FRYL: variants seen among roughly 807,000 people sequenced by gnomAD.
FRYL encodes the protein protein furry homolog-like.
In FRYL, 150 loss-of-function variants were observed where a neutral mutation model predicts 351.2. The observed-to-expected ratio is 0.43, with a 90% confidence interval of 0.37 to 0.49. FRYL has a LOEUF of 0.49. FRYL is among the 20% of genes least tolerant of loss of function. The pLI is 0.00. For missense variants in FRYL, 3,036 were observed against 3,619.3 expected (o/e 0.84, Z 4.13); for synonymous variants, 1,153 against 1,257.1 (o/e 0.92, Z 1.75).
In FRYL at chr4:48,762,285, A is replaced by G. The variant is rs371942645; in HGVS notation, c.-384+17793T>C. On this transcript the variant is annotated intron_variant, in intron 1 of 63. Coordinates refer to ENST00000358350, the MANE Select transcript of FRYL (RefSeq NM_015030.2). ...GCTTAGATATTATGAACATTTTAAC[A>G]TATCTTGACACATAGAGCCTATTGT... Among the ~76,000 whole-genome samples, 60 of 152,340 alleles carry G rather than the reference A, an allele frequency of 3.9e-4. No individual in the cohort carries two copies. The East Asian group carries it at 0.01, about 26-fold the overall frequency.
At chr4:48,571,395 T>A (rs1201033210) in intron 26 of FRYL, among the ~76,000 whole-genome samples, 1 of 152,240 alleles carries the variant, frequency 6.6e-6, no homozygotes. Context: ...TTACTCATTA[T>A]GATATGAATA....
chr4:48,648,653 T>A (rs1441967486), intron 3 of FRYL, among the ~76,000 whole-genome samples: 1 of 152,148 alleles, frequency 6.6e-6, no homozygotes, highest in Non-Finnish European at 1.5e-5. Flanking sequence ...AATTTATCAA[T>A]TGAAGAATGG....
At chr4:48,733,099 A>C (rs2149630116) in intron 1 of FRYL, among the ~76,000 whole-genome samples, 1 of 151,664 alleles carries the variant, frequency 6.6e-6, no homozygotes. Context: ...ACATGGTGAA[A>C]CCCCGTCTCT....
intron 1 of FRYL, among the ~76,000 whole-genome samples, chr4:48,751,545 A>G (rs145131602): frequency 9.2e-5 from 14 of 152,326 alleles, no homozygotes; most frequent in African/African-American, 3.4e-4. Flanking sequence ...CAAGAGATAC[A>G]AAAGAAACAG....
At chr4:48,645,164 C>G (rs1756208664) in intron 3 of FRYL, among the ~76,000 whole-genome samples, 1 of 92,412 alleles carries the variant, frequency 1.1e-5, no homozygotes, top group African/African-American at 3.4e-5. Context: ...ATCAGACTGG[C>G]AAATACTAAA....
In FRYL at chr4:48,540,348, A is replaced by T. The variant is rs767002274; in HGVS notation, c.6295+5T>A. ...AAAGTGCTGGTGCAATTATATTAAC[A>T]TCACCTGACAATTGGGAAGGATCCA... On this transcript the variant is annotated splice_donor_5th_base_variant and intron_variant, in intron 46 of 63. Coordinates refer to ENST00000358350, the MANE Select transcript of FRYL (RefSeq NM_015030.2). 5.0e-6 allele frequency: 8 copies of T among 1,609,366 alleles called. No homozygotes were observed. In the South Asian group the frequency reaches 7.7e-5, roughly 16 times the overall value.
intron 33 of FRYL, among the ~76,000 whole-genome samples, 191 bp downstream of exon 33, chr4:48,561,277 G>A (rs547866171): frequency 3.9e-5 from 6 of 152,104 alleles, no homozygotes; most frequent in South Asian, 2.1e-4. Flanking sequence ...TAAGGACGCC[G>A]TTGATAGAAA....
chr4:48,604,671 T>C (rs759598629), intron 11 of FRYL, among the ~76,000 whole-genome samples: 1 of 152,222 alleles, frequency 6.6e-6, no homozygotes, highest in Non-Finnish European at 1.5e-5. Flanking sequence ...TGCTGGCACT[T>C]TGATCTCACA....
chr4:48,583,806 G>A (rs181937760), intron 19 of FRYL, among the ~76,000 whole-genome samples: 132 of 151,916 alleles, frequency 8.7e-4, no homozygotes, highest in African/African-American at 3.0e-3. Flanking sequence ...TCAGGAGGCC[G>A]AGGCAGGAGA....
chr4:48,763,059 T>A (rs1214714808), intron 1 of FRYL, among the ~76,000 whole-genome samples: 1 of 139,544 alleles, frequency 7.2e-6, no homozygotes, highest in Non-Finnish European at 1.5e-5. Context: ...TTGACTGAAT[T>A]TAATGACTTT....
At position 48,557,181 on chromosome 4, in the gene FRYL, T is replaced by C; in HGVS notation, c.4126-63A>G. 16 of 1,523,186 alleles carry C rather than the reference T, an allele frequency of 1.1e-5. No homozygotes were observed. The South Asian group carries it at 2.1e-4, about 20-fold the overall frequency. The allele number at this position is 1,523,186 out of a possible 1,614,324, so 94.4% of individuals were successfully genotyped here. A position where few individuals can be genotyped will look rare whatever the true frequency, so the allele number is the denominator to read the frequency against. On this transcript the variant is annotated intron_variant, in intron 34 of 63. Coordinates refer to ENST00000358350, the MANE Select transcript of FRYL (RefSeq NM_015030.2). Reference sequence around the variant, plus strand: ...CTGCCTATTATAAAAACCAAACTTGTCATACCATGAAATATTAAAAAATGT... The same window carrying C: ...CTGCCTATTATAAAAACCAAACTTGCCATACCATGAAATATTAAAAAATGT...
intron 1 of FRYL, chr4:48,727,384 C>A: frequency 6.6e-6 from 1 of 152,286 alleles, no homozygotes. Flanking sequence ...CCCACTGCCC[C>A]CCAAATTGGA....
At chr4:48,593,027 G>A (rs1210259693) in intron 16 of FRYL, among the ~76,000 whole-genome samples, 1 of 152,020 alleles carries the variant, frequency 6.6e-6, no homozygotes, top group Admixed American at 6.5e-5. Context: ...GAAAAATCCT[G>A]AAAATCTAAT....
chr4:48,730,568 G>C (rs1395228335), intron 1 of FRYL, among the ~76,000 whole-genome samples: 1 of 152,154 alleles, frequency 6.6e-6, no homozygotes, highest in South Asian at 2.1e-4. Context: ...GAAGACAGTG[G>C]GGGCCAATCA....
chr4:48,522,474 G>A (rs1725109753), intron 54 of FRYL, among the ~76,000 whole-genome samples: 2 of 152,106 alleles, frequency 1.3e-5, no homozygotes, highest in South Asian at 4.1e-4. Context: ...GAAATAACAG[G>A]CTACTCTTGC....
intron 3 of FRYL, among the ~76,000 whole-genome samples, chr4:48,674,139 T>C (rs1461198476): frequency 2.6e-5 from 4 of 152,254 alleles, no homozygotes; most frequent in Non-Finnish European, 4.4e-5. Flanking sequence ...AGCGACAATA[T>C]TAATGTTGAT....
At chr4:48,747,212 T>C (rs1772787442) in intron 1 of FRYL, among the ~76,000 whole-genome samples, 1 of 150,658 alleles carries the variant, frequency 6.6e-6, no homozygotes, top group South Asian at 2.1e-4. Context: ...ATTCTTGCAT[T>C]TGTAATTCAT....
intron 16 of FRYL, among the ~76,000 whole-genome samples, chr4:48,593,693 C>G (rs1355164211): frequency 6.6e-6 from 1 of 152,040 alleles, no homozygotes; most frequent in Non-Finnish European, 1.5e-5. Context: ...CGCTTAAACA[C>G]CATTATTTCA....
chr4:48,756,438 C>T (rs1465578215), intron 1 of FRYL, among the ~76,000 whole-genome samples: 2 of 152,122 alleles, frequency 1.3e-5, no homozygotes, highest in Non-Finnish European at 2.9e-5. Context: ...GTGATACCTA[C>T]TGTCTCTGCC....
Sources: allele counts gnomAD v4.1 joint callset (sites outside exome capture counted in the v4.1 genomes callset), GRCh38; gene constraint gnomAD v4.1.1; transcripts MANE v1.5; gene names NCBI Gene and HGNC (gene_info 2026-07-23, HGNC 2026-07-21).